Variants in SEPTIN2 observed in about 807,000 individuals in gnomAD.
SEPTIN2 encodes septin 2.
In SEPTIN2, 34 loss-of-function variants were observed where a neutral mutation model predicts 46.5. The observed-to-expected ratio is 0.73, with a 90% CI of 0.56 to 0.97. SEPTIN2 has a LOEUF of 0.97. Ranked by LOEUF, SEPTIN2 falls within the 50% of genes least tolerant of loss-of-function variation. The pLI is 0.00. For synonymous variants in SEPTIN2, 175 were observed against 153.4 expected, an observed-to-expected ratio of 1.14 and a Z score of -1.04; for missense variants, 347 against 448.4, an observed-to-expected ratio of 0.77 and a Z score of 2.04.
At chr2:241,326,486 C>T (rs1191091799) in intron 3 of SEPTIN2, among the ~76,000 whole-genome samples, 1 of 130,026 alleles carries the variant, frequency 7.7e-6, no homozygotes, top group African/African-American at 2.9e-5. Flanking sequence ...AAGACTAGGT[C>T]ATAAAAGGCA....
At chr2:241,339,086 TA>T (rs1028857977) in intron 7 of SEPTIN2, among the ~76,000 whole-genome samples, 4 of 138,512 alleles carry the variant, frequency 2.9e-5, no homozygotes, top group African/African-American at 1.1e-4. Flanking sequence ...AATATACATA[TA>T]TTTTTTAAAA....
In SEPTIN2 at chr2:241,326,089, T is replaced by A; in HGVS notation, c.106T>A (p.Phe36Ile). 1.2e-6 allele frequency: 2 copies of A among 1,613,792 alleles called. No individual in the cohort carries two copies. The highest frequency in any genetic ancestry group is 1.7e-6 in the Non-Finnish European group (2 of 1,179,814). ...QVHRKSVKKG[F>I]EFTLMVVGES... ...TCACCGAAAATCAGTGAAAAAAGGT[T>A]TTGAGTTCACACTGATGGTGGTCGG... Residue 36 changes from phenylalanine (F) to isoleucine (I), a missense_variant, in exon 3 of 13, where the codon TTT becomes ATT. By Grantham distance (21) the Phe-to-Ile change is conservative. Coordinates refer to ENST00000391971, the MANE Select transcript of SEPTIN2 (RefSeq NM_004404.5).
intron 1 of SEPTIN2, 191 bp from the exon 2 acceptor site, chr2:241,324,025 C>G: frequency 1.8e-6 from 1 of 555,080 alleles, no homozygotes; most frequent in South Asian, 2.3e-5. Context: ...GTTACACGAG[C>G]CAGCTGTCAG....
At chr2:241,318,497 A>G (rs1261538582) in intron 1 of SEPTIN2, among the ~76,000 whole-genome samples, 2 of 152,198 alleles carry the variant, frequency 1.3e-5, no homozygotes, top group East Asian at 3.8e-4. Context: ...TGGGGAAAAT[A>G]AAAATGATTT....
intron 5 of SEPTIN2, 83 bp from the exon 6 acceptor site, chr2:241,337,299 C>T (rs2080188090): frequency 1.1e-5 from 13 of 1,161,504 alleles, no homozygotes; most frequent in East Asian, 2.5e-5. Flanking sequence ...TATATTTGGG[C>T]GGAGGCACTT....
intron 1 of SEPTIN2, among the ~76,000 whole-genome samples, chr2:241,317,962 TTTAAG>T (rs756480158): frequency 2.6e-5 from 4 of 152,112 alleles, no homozygotes; most frequent in Non-Finnish European, 5.9e-5. Flanking sequence ...GCACCCAGTG[TTTAAG>T]TTAATCACAG....
chr2:241,322,271 C>T (rs893370473), intron 1 of SEPTIN2, among the ~76,000 whole-genome samples: 2 of 152,146 alleles, frequency 1.3e-5, no homozygotes, highest in Non-Finnish European at 2.9e-5. Context: ...AGACTCCATG[C>T]TTTCCAAAGC....
At position 241,335,258 on chromosome 2, in the gene SEPTIN2, A is replaced by C. The variant is rs528089538; in HGVS notation, c.217+46A>C. 3 of 1,600,504 alleles carry C rather than the reference A, an allele frequency of 1.9e-6. No homozygotes were observed. In the South Asian group the frequency reaches 3.3e-5, roughly 18 times the overall value. ...CTGTAAGTGTAATTCTACATGAAAG[A>C]TGCTGAAGACTGCCTAATTAATATT... On this transcript the variant is annotated intron_variant, in intron 4 of 12. Coordinates refer to ENST00000391971, the MANE Select transcript of SEPTIN2 (RefSeq NM_004404.5).
chr2:241,321,249 T>TA (rs1214894941), intron 1 of SEPTIN2, among the ~76,000 whole-genome samples: 1 of 152,186 alleles, frequency 6.6e-6, no homozygotes, highest in Non-Finnish European at 1.5e-5. Flanking sequence ...AGAACTCTAT[T>TA]AAAGTTTCTC....
intron 3 of SEPTIN2, 147 bp downstream of exon 3, chr2:241,326,260 A>G (rs2077947678): frequency 3.1e-6 from 2 of 650,274 alleles, no homozygotes; most frequent in Admixed American, 4.0e-5. Flanking sequence ...ATGTGTATTC[A>G]TTAGAAAATT....
intron 9 of SEPTIN2, 124 bp from the exon 10 acceptor site, chr2:241,346,042 A>G: frequency 1.6e-6 from 1 of 640,904 alleles, no homozygotes; most frequent in Non-Finnish European, 2.8e-6. Context: ...CAGCAGCTTT[A>G]TGTACAATTT....
intron 10 of SEPTIN2, among the ~76,000 whole-genome samples, chr2:241,347,882 G>C (rs562697987): frequency 1.3e-5 from 2 of 152,264 alleles, no homozygotes; most frequent in African/African-American, 4.8e-5. Context: ...GGGCGTGGTA[G>C]CACGTGCCTG....
intron 3 of SEPTIN2, among the ~76,000 whole-genome samples, chr2:241,330,491 A>G (rs2078819301): frequency 6.6e-6 from 1 of 152,190 alleles, no homozygotes; most frequent in Admixed American, 6.5e-5. Context: ...TCATAACACT[A>G]CGTGTAAATG....
chr2:241,350,500 G>A (rs1378006020), intron 12 of SEPTIN2, among the ~76,000 whole-genome samples: 1 of 152,016 alleles, frequency 6.6e-6, no homozygotes, highest in African/African-American at 2.4e-5. Flanking sequence ...ACCAACATTA[G>A]AAGGAAATTA....
rs775144020 is a variant in SEPTIN2, at chr2:241,335,954, T to G, written c.218-21T>G. 4 of 1,614,116 alleles carry G rather than the reference T, an allele frequency of 2.5e-6. No homozygotes were observed. The East Asian group carries it at 6.7e-5, about 27-fold the overall frequency. ...CTTCACATGCTGCTTATATTCCCTA[T>G]TAAGTTTGTTTCTTTTCTAGAAAAA... On this transcript the variant is annotated intron_variant, in intron 4 of 12. Transcript: ENST00000391971.
At chr2:241,335,853 G>GT (rs1376237406) in intron 4 of SEPTIN2, 122 bp from the exon 5 acceptor site, 3 of 1,227,446 alleles carry the variant, frequency 2.4e-6, no homozygotes, top group Non-Finnish European at 3.6e-6. Flanking sequence ...AATCCCCATG[G>GT]TATCTTTGGA....
At chr2:241,325,898 C>G in intron 2 of SEPTIN2, 95 bp from the exon 3 acceptor site, 1 of 1,227,178 alleles carries the variant, frequency 8.1e-7, no homozygotes, top group Non-Finnish European at 1.1e-6. Context: ...TTTGTGAAAA[C>G]TGATAACCTA....
rs111270941 is a variant in SEPTIN2 at position 241,334,468 on chromosome 2, C to G, written c.131-658C>G. Among the ~76,000 whole-genome samples the G allele has an allele frequency of 5.9e-5, 9 of 152,270 alleles. 1 individual carries two copies. Among genetic ancestry groups the G allele is most frequent in the African/African-American group, 2.2e-4 (9 of 41,542 alleles). Reference sequence around the variant, plus strand: ...AGAGAGATTCTCACCTCATTGAAAGCTTACATGGATATGTGTCACCTGAAT... The same window carrying G: ...AGAGAGATTCTCACCTCATTGAAAGGTTACATGGATATGTGTCACCTGAAT... On this transcript the variant is annotated intron_variant, in intron 3 of 12. Transcript: ENST00000391971.
chr2:241,324,361 T>G (rs1265571642), intron 2 of SEPTIN2, 120 bp downstream of exon 2: 1 of 810,524 alleles, frequency 1.2e-6, no homozygotes, highest in Admixed American at 2.5e-5. Context: ...TTTGATTCAT[T>G]AACACAAAGA....
Sources: allele counts gnomAD v4.1 joint callset (sites outside exome capture counted in the v4.1 genomes callset), GRCh38; gene constraint gnomAD v4.1.1; transcripts MANE v1.5; gene names NCBI Gene and HGNC (gene_info 2026-07-23, HGNC 2026-07-21).